The following HUWE1 variants were observed in gnomAD, a reference collection of about 807,000 sequenced individuals.
HUWE1 encodes the protein E3 ubiquitin-protein ligase HUWE1.
In HUWE1, 18 loss-of-function variants were observed where a neutral mutation model predicts 299.4. That is an observed-to-expected ratio of 0.06 (90% CI 0.04 to 0.09). The LOEUF is 0.09. Ranked by LOEUF, HUWE1 falls within the 10% of genes least tolerant of loss-of-function variation. HUWE1 has a pLI of 1.00. For synonymous variants in HUWE1, 1,317 were observed against 1,286.1 expected (o/e 1.02, Z -0.51); for missense variants, 1,832 against 3,462.3 (o/e 0.53, Z 11.82).
intron 2 of HUWE1, among the ~76,000 whole-genome samples, chrX:53,682,934 A>AC (rs1278536305): frequency 8.9e-6 from 1 of 111,779 alleles, no homozygotes; most frequent in East Asian, 2.8e-4. Context: ...CCAAACACCG[A>AC]CCCGTTCATA....
intron 81 of HUWE1, among the ~76,000 whole-genome samples, chrX:53,535,041 ATTC>A (rs782504154): frequency 7.3e-5 from 8 of 109,959 alleles, no homozygotes; most frequent in African/African-American, 2.0e-4. Context: ...GGTTCAAGCA[ATTC>A]TTCTGTCTCA....
chrX:53,580,696 A>G lies in HUWE1; in HGVS notation c.5716+135T>C, dbSNP rs112960727. On this transcript the variant is annotated intron_variant, in intron 43 of 83. Transcript: ENST00000262854. ...AAGTACCTAATAAATTGACCCAAAC[A>G]ATCAATTAGCCAGCAAATGTCCTAA... is the stretch of plus-strand genomic sequence containing the variant. 2,577 of 601,739 alleles carry G rather than the reference A, an allele frequency of 4.3e-3. 57 individuals are homozygous for G. The African/African-American group carries it at 0.053, about 12-fold the overall frequency. 49.6% of individuals were successfully genotyped at this position (601,739 alleles called of 1,213,427 possible).
chrX:53,560,581 G>A (rs1402717490), intron 55 of HUWE1, among the ~76,000 whole-genome samples, 165 bp from the exon 56 acceptor site: 1 of 111,312 alleles, frequency 9.0e-6, no homozygotes, highest in Non-Finnish European at 1.9e-5. Context: ...CACTACCATA[G>A]CTTATGCCAT....
intron 3 of HUWE1, among the ~76,000 whole-genome samples, chrX:53,679,615 C>T (rs2070025073): frequency 2.7e-5 from 3 of 110,916 alleles, no homozygotes; most frequent in Non-Finnish European, 5.7e-5. Flanking sequence ...CACGATGAAA[C>T]CCCATCTCAA....
intron 81 of HUWE1, among the ~76,000 whole-genome samples, chrX:53,534,942 GTTTTT>G (rs34065694): frequency 4.0e-5 from 4 of 100,754 alleles, no homozygotes; most frequent in Non-Finnish European, 8.1e-5. Context: ...AGCTGGGTTT[GTTTTT>G]TTTTTTTGAG....
At chrX:53,587,535 G>A (rs892054958) in intron 37 of HUWE1, among the ~76,000 whole-genome samples, 6 of 111,759 alleles carry the variant, frequency 5.4e-5, no homozygotes, top group Non-Finnish European at 1.1e-4. Flanking sequence ...AAATGAACAG[G>A]AAAAAACACT....
intron 19 of HUWE1, among the ~76,000 whole-genome samples, chrX:53,623,384 CAAAG>C (rs1221811607): frequency 9.0e-6 from 1 of 111,605 alleles, no homozygotes; most frequent in Non-Finnish European, 1.9e-5. Flanking sequence ...AAAAAAACCC[CAAAG>C]AACTATTGTC....
At chrX:53,555,075 T>C (rs1283233159) in intron 60 of HUWE1, among the ~76,000 whole-genome samples, 155 bp from the exon 61 acceptor site, 4 of 111,528 alleles carry the variant, frequency 3.6e-5, no homozygotes, top group African/African-American at 1.3e-4. Context: ...TGGTCTGGTA[T>C]ACTAAGGATG....
chrX:53,652,166 T>C lies in HUWE1; in HGVS notation c.45+1897A>G, dbSNP rs1384054401. ...TACTTCACACCTATTAGGATGGCTA[T>C]TGTCATGTCTTTTTAATTTTGGATA... On this transcript the variant is annotated intron_variant, in intron 4 of 83. Coordinates refer to ENST00000262854, the MANE Select transcript of HUWE1 (RefSeq NM_031407.7). Among the ~76,000 whole-genome samples the C allele has an allele frequency of 8.0e-5, 9 of 112,153 alleles. No individual in the cohort carries two copies. In the East Asian group the frequency reaches 1.4e-3, roughly 17 times the overall value.
At chrX:53,598,645 C>G (rs1189024266) in intron 29 of HUWE1, among the ~76,000 whole-genome samples, 1 of 111,905 alleles carries the variant, frequency 8.9e-6, no homozygotes, top group Non-Finnish European at 1.9e-5. Context: ...AACGTGTGTC[C>G]ATCGACTGTT....
At position 53,631,449 on chromosome X, in the gene HUWE1, G is replaced by C. The variant is rs2066871823; in HGVS notation, c.727C>G (p.Leu243Val). ...SESPSEIMES[L>V]TKMYSIPKDK... ...TTAGGAATGCTGTACATTTTGGTAA[G>C]AGATTCCATGATTTCAGAAGGGCTT... Residue 243 changes from leucine to valine, a missense_variant, in exon 11 of 84, where the codon CTT (leucine) becomes GTT (valine). This residue lies in a region of HUWE1 where 658 missense variants were observed against 1,282.6 expected (regional missense o/e 0.51). Coordinates refer to ENST00000262854, the MANE Select transcript of HUWE1 (RefSeq NM_031407.7). 1.7e-6 allele frequency: 2 copies of C among 1,202,996 alleles called. No homozygotes were observed. The highest frequency in any genetic ancestry group is 3.5e-5 in the African/African-American group (2 of 57,384).
At position 53,533,867 on chromosome X, in the gene HUWE1, T is replaced by C. The variant is rs1256895348; in HGVS notation, c.13022+140A>G. Reference sequence around the variant, plus strand: ...CATCTCATCTCAAACATCACCTCCATAGAAACACCAAATTGTGAGTTACCC... The same window carrying C: ...CATCTCATCTCAAACATCACCTCCACAGAAACACCAAATTGTGAGTTACCC... On this transcript the variant is annotated intron_variant, in intron 83 of 83. Transcript: ENST00000262854. The C allele has an allele frequency of 3.0e-5, 18 of 592,338 alleles. No homozygotes were observed. In the East Asian group the frequency reaches 3.1e-4, roughly 10 times the overall value. The allele number at this position is 592,338 out of a possible 1,213,427, so 48.8% of individuals were successfully genotyped here.
intron 3 of HUWE1, among the ~76,000 whole-genome samples, chrX:53,679,810 T>C (rs1417374010): frequency 8.9e-6 from 1 of 111,736 alleles, no homozygotes; most frequent in African/African-American, 3.3e-5. Flanking sequence ...AATTTTATTT[T>C]TTGAACGATG....
At chrX:53,601,430 T>G (rs190766762) in intron 28 of HUWE1, among the ~76,000 whole-genome samples, 49 of 110,796 alleles carry the variant, frequency 4.4e-4, no homozygotes, top group Middle Eastern at 4.7e-3. Context: ...ACGATTCACC[T>G]GCCTCAGCCT....
At chrX:53,553,278 G>A (rs2061846337) in intron 61 of HUWE1, among the ~76,000 whole-genome samples, 1 of 109,072 alleles carries the variant, frequency 9.2e-6, no homozygotes, top group Non-Finnish European at 1.9e-5. Flanking sequence ...GAGGAGCTGG[G>A]ATTACAGGCA....
intron 39 of HUWE1, among the ~76,000 whole-genome samples, chrX:53,585,659 G>A (rs1297985753): frequency 8.9e-6 from 1 of 112,055 alleles, no homozygotes; most frequent in Admixed American, 9.4e-5. Context: ...AGAACTATGA[G>A]CCAAATAAAC....
chrX:53,685,226 AT>A (rs1320609528), intron 2 of HUWE1, among the ~76,000 whole-genome samples: 11 of 111,673 alleles, frequency 9.9e-5, no homozygotes, highest in African/African-American at 2.0e-4. Context: ...ATTCTTAGCC[AT>A]TTTTTTCCCC....
At chrX:53,640,199 A>G (rs1557029697) in intron 7 of HUWE1, among the ~76,000 whole-genome samples, 1 of 111,716 alleles carries the variant, frequency 9.0e-6, no homozygotes, top group African/African-American at 3.3e-5. Flanking sequence ...TCTCTACAAA[A>G]AATATAAAAA....
chrX:53,554,198 C>T (rs190739184), intron 61 of HUWE1, among the ~76,000 whole-genome samples: 38 of 111,203 alleles, frequency 3.4e-4, no homozygotes, highest in African/African-American at 1.1e-3. Context: ...TCAGTTTACT[C>T]ATGTAAATAA....
Sources: gnomAD v4.1 joint callset for allele counts (sites outside exome capture counted in the v4.1 genomes callset) on GRCh38, gnomAD v4.1.1 for gene constraint, gnomAD v4.1.1 regional missense constraint, MANE v1.5 for transcripts, NCBI Gene and HGNC (gene_info 2026-07-23, HGNC 2026-07-21) for gene names.